SYT9: variants seen among roughly 807,000 people sequenced by gnomAD.
SYT9 encodes synaptotagmin-9.
In SYT9, 22 loss-of-function variants were observed where a neutral mutation model predicts 48.4. That is an observed-to-expected ratio of 0.45 (90% CI 0.32 to 0.65). The LOEUF is 0.65. Ranked by LOEUF, SYT9 falls within the 30% of genes least tolerant of loss-of-function variation. The pLI, the probability that SYT9 is intolerant of heterozygous loss-of-function variation, is 0.03. For missense variants in SYT9, 577 were observed against 622.0 expected (o/e 0.93, Z 0.77); for synonymous variants, 265 against 245.0 (o/e 1.08, Z -0.76).
chr11:7,401,850 CTTTA>C (rs902682831), intron 3 of SYT9, among the ~76,000 whole-genome samples: 35 of 151,246 alleles, frequency 2.3e-4, no homozygotes, highest in African/African-American at 8.5e-4. Context: ...TGGTTTTGCC[CTTTA>C]TTTATTATTT....
At chr11:7,283,359 A>G (rs1848536924) in intron 1 of SYT9, among the ~76,000 whole-genome samples, 1 of 152,080 alleles carries the variant, frequency 6.6e-6, no homozygotes. Flanking sequence ...GACAGTGGTA[A>G]AAACCTAGAA....
At chr11:7,396,521 A>AT (rs1455259291) in intron 3 of SYT9, among the ~76,000 whole-genome samples, 2 of 152,158 alleles carry the variant, frequency 1.3e-5, no homozygotes, top group Non-Finnish European at 2.9e-5. Context: ...GTTGATAGAC[A>AT]TCTAGGCTTC....
intron 3 of SYT9, among the ~76,000 whole-genome samples, chr11:7,404,665 G>A (rs1279967857): frequency 6.6e-6 from 1 of 152,048 alleles, no homozygotes; most frequent in Non-Finnish European, 1.5e-5. Context: ...CAACCCCAGA[G>A]AGGACTCTAA....
At chr11:7,387,214 C>T (rs377625882) in intron 3 of SYT9, among the ~76,000 whole-genome samples, 8 of 151,808 alleles carry the variant, frequency 5.3e-5, no homozygotes, top group South Asian at 2.1e-4. Flanking sequence ...TGTTAAATGA[C>T]GAGTTAATGG....
intron 1 of SYT9, among the ~76,000 whole-genome samples, chr11:7,263,266 C>G (rs1564840119): frequency 6.6e-6 from 1 of 152,154 alleles, no homozygotes; most frequent in Admixed American, 6.6e-5. Context: ...CTGGCAGATG[C>G]TGTGTCAGGT....
intron 3 of SYT9, among the ~76,000 whole-genome samples, chr11:7,355,661 A>C: frequency 6.6e-6 from 1 of 152,184 alleles, no homozygotes. Flanking sequence ...CTTATATGCT[A>C]TTGCGAAGTG....
chr11:7,293,873 GC>G (rs1848738699), intron 1 of SYT9, among the ~76,000 whole-genome samples: 1 of 152,090 alleles, frequency 6.6e-6, no homozygotes, highest in South Asian at 2.1e-4. Context: ...AAGTCTTTTG[GC>G]CCCATGACAG....
At chr11:7,399,643 ACT>A (rs1846840793) in intron 3 of SYT9, among the ~76,000 whole-genome samples, 1 of 152,204 alleles carries the variant, frequency 6.6e-6, no homozygotes. Context: ...TTGACACATC[ACT>A]GTTTTGGTGT....
chr11:7,387,213 A>G (rs1850678505), intron 3 of SYT9, among the ~76,000 whole-genome samples: 1 of 152,130 alleles, frequency 6.6e-6, no homozygotes, highest in Non-Finnish European at 1.5e-5. Flanking sequence ...ATGTTAAATG[A>G]CGAGTTAATG....
intron 3 of SYT9, among the ~76,000 whole-genome samples, chr11:7,327,933 G>A (rs1318156662): frequency 3.1e-5 from 3 of 97,732 alleles, no homozygotes; most frequent in Non-Finnish European, 4.1e-5. Context: ...GGGGAGGGGG[G>A]AGGGGGGAGG....
intron 3 of SYT9, among the ~76,000 whole-genome samples, chr11:7,352,205 A>G (rs1849930364): frequency 6.6e-6 from 1 of 152,214 alleles, no homozygotes; most frequent in Non-Finnish European, 1.5e-5. Context: ...AATGAATTTT[A>G]AGAAAGTAGG....
chr11:7,437,418 AT>A (rs533805224), intron 6 of SYT9, among the ~76,000 whole-genome samples: 237 of 152,182 alleles, frequency 1.6e-3, no homozygotes, highest in African/African-American at 5.3e-3. Flanking sequence ...GCACTTTTTA[AT>A]TTTTTTTCAT....
At chr11:7,397,405 T>C (rs1370904527) in intron 3 of SYT9, among the ~76,000 whole-genome samples, 1 of 152,182 alleles carries the variant, frequency 6.6e-6, no homozygotes, top group East Asian at 1.9e-4. Context: ...TGCCAGTACC[T>C]CACTATTTTG....
At chr11:7,269,048 G>A (rs879339486) in intron 1 of SYT9, among the ~76,000 whole-genome samples, 12 of 152,056 alleles carry the variant, frequency 7.9e-5, no homozygotes, top group South Asian at 4.1e-4. Flanking sequence ...ATCATAGCAC[G>A]TGTCATTAGT....
chr11:7,452,443 T>C (rs78712398), intron 6 of SYT9, among the ~76,000 whole-genome samples: 16,225 of 152,174 alleles, frequency 0.11, 1,017 homozygotes, highest in Non-Finnish European at 0.13. Context: ...CAATCTTCTC[T>C]CATCCTCTTG....
At chr11:7,425,926 G>T (rs12575068) in intron 6 of SYT9, among the ~76,000 whole-genome samples, 9,813 of 152,040 alleles carry the variant, frequency 0.065, 359 homozygotes, top group East Asian at 0.15. Context: ...TGTTATGAAT[G>T]AAAACAGAAA....
At chr11:7,276,682 G>A (rs1028667734) in intron 1 of SYT9, among the ~76,000 whole-genome samples, 2 of 152,070 alleles carry the variant, frequency 1.3e-5, no homozygotes, top group African/African-American at 4.8e-5. Flanking sequence ...ATTCTTTTAA[G>A]CATCAGTTTT....
intron 3 of SYT9, among the ~76,000 whole-genome samples, chr11:7,370,609 C>T (rs901564427): frequency 6.6e-6 from 1 of 151,984 alleles, no homozygotes; most frequent in Non-Finnish European, 1.5e-5. Context: ...TCTCAACAAA[C>T]CAATGTTTTA....
intron 3 of SYT9, among the ~76,000 whole-genome samples, chr11:7,348,703 T>TC: frequency 7.0e-6 from 1 of 142,694 alleles, no homozygotes; most frequent in African/African-American, 2.6e-5. Context: ...TTTTTTTTTT[T>TC]TTTTTTTTTT....
Sources: gnomAD v4.1 joint callset for allele counts (sites outside exome capture counted in the v4.1 genomes callset) on GRCh38, gnomAD v4.1.1 for gene constraint, MANE v1.5 for transcripts, NCBI Gene and HGNC (gene_info 2026-07-23, HGNC 2026-07-21) for gene names.